The following UST variants were observed in gnomAD, a reference collection of about 807,000 sequenced individuals.
UST encodes chondroitin sulfate 2-O-sulfotransferase.
UST carries 21 observed loss-of-function variants against 45.6 expected under a neutral mutation model. That is an observed-to-expected ratio of 0.46 (90% CI 0.33 to 0.66). The LOEUF (loss-of-function observed/expected upper bound fraction) is 0.66. Among genes scored for constraint, UST ranks in the 30% least tolerant of loss-of-function variants. UST has a pLI of 0.02. For synonymous variants in UST, 215 were observed against 200.6 expected (o/e 1.07, Z -0.61); for missense variants, 463 against 512.4 (o/e 0.90, Z 0.93).
At chr6:148,945,316 T>G (rs1233076758) in intron 3 of UST, among the ~76,000 whole-genome samples, 1 of 152,238 alleles carries the variant, frequency 6.6e-6, no homozygotes, top group African/African-American at 2.4e-5. Flanking sequence ...CTCTTGGCCT[T>G]GAACCTAGGC....
At chr6:148,867,318 A>ACACACT (rs1320435677) in intron 1 of UST, among the ~76,000 whole-genome samples, 6 of 146,528 alleles carry the variant, frequency 4.1e-5, no homozygotes, top group African/African-American at 1.5e-4. Context: ...ACACACACAC[A>ACACACT]CACACACACA....
intron 7 of UST, 116 bp downstream of exon 7, chr6:149,021,597 C>A (rs1192718205): frequency 7.4e-6 from 9 of 1,218,208 alleles, no homozygotes; most frequent in East Asian, 2.4e-5. Flanking sequence ...TGACAAAGGG[C>A]AGTTAGTTCC....
intron 1 of UST, among the ~76,000 whole-genome samples, chr6:148,833,230 G>A (rs1196902037): frequency 1.3e-5 from 2 of 152,226 alleles, no homozygotes; most frequent in Non-Finnish European, 2.9e-5. Context: ...GCTCATGCCT[G>A]TAATCTCAGC....
intron 1 of UST, among the ~76,000 whole-genome samples, chr6:148,806,426 C>T (rs1777147282): frequency 6.6e-6 from 1 of 152,016 alleles, no homozygotes; most frequent in Non-Finnish European, 1.5e-5. Flanking sequence ...GCAACCTCCA[C>T]CTCCTGGGTT....
chr6:149,056,117 C>CTTTTTTTTTTTTTTTTTTTT (rs34191810), intron 7 of UST, among the ~76,000 whole-genome samples: 21 of 81,054 alleles, frequency 2.6e-4, no homozygotes, highest in Non-Finnish European at 4.2e-4. Context: ...CTTTTCTTTT[C>CTTTTTTTTTTTTTTTTTTTT]TTTTTTTTTT....
At chr6:148,909,467 T>C (rs976919694) in intron 2 of UST, among the ~76,000 whole-genome samples, 3 of 152,230 alleles carry the variant, frequency 2.0e-5, no homozygotes, top group Non-Finnish European at 1.5e-5. Flanking sequence ...CACATATATG[T>C]ATAAAATTAA....
At chr6:148,943,080 G>T (rs1344836270) in intron 3 of UST, among the ~76,000 whole-genome samples, 1 of 152,154 alleles carries the variant, frequency 6.6e-6, no homozygotes, top group Non-Finnish European at 1.5e-5. Flanking sequence ...AATGTGATTA[G>T]GCTGGTGATG....
At chr6:148,957,165 A>C (rs1057360132) in intron 4 of UST, among the ~76,000 whole-genome samples, 4 of 152,154 alleles carry the variant, frequency 2.6e-5, no homozygotes, top group African/African-American at 9.7e-5. Flanking sequence ...GCTTTCAATA[A>C]AAAGCCAGAA....
intron 1 of UST, among the ~76,000 whole-genome samples, chr6:148,827,312 A>G (rs1777589996): frequency 6.6e-6 from 1 of 152,178 alleles, no homozygotes; most frequent in African/African-American, 2.4e-5. Context: ...AGGAGTCTGT[A>G]GCCTTTCATT....
intron 1 of UST, among the ~76,000 whole-genome samples, chr6:148,772,920 A>G (rs1428452285): frequency 6.6e-6 from 1 of 152,170 alleles, no homozygotes; most frequent in Non-Finnish European, 1.5e-5. Context: ...TGATTTTACT[A>G]TTTTTCAACA....
intron 1 of UST, among the ~76,000 whole-genome samples, chr6:148,882,832 A>T (rs1004743497): frequency 6.6e-6 from 1 of 152,228 alleles, no homozygotes; most frequent in African/African-American, 2.4e-5. Context: ...CACTCAATAA[A>T]GGTTGTTATA....
At position 148,810,699 on chromosome 6, in the gene UST, A is replaced by G. The variant is rs141162179; in HGVS notation, c.247+63022A>G. Reference sequence around the variant, plus strand: ...TTTTCTCTCTACAGTCCCTAAAACTATAATACAAGGTGTCACCAGAGAGGA... The same window carrying G: ...TTTTCTCTCTACAGTCCCTAAAACTGTAATACAAGGTGTCACCAGAGAGGA... On this transcript the variant is annotated intron_variant, in intron 1 of 7. Transcript: ENST00000367463. Among the ~76,000 whole-genome samples, 374 of 152,310 alleles carry G rather than the reference A, an allele frequency of 2.5e-3. 1 individual carries two copies. The highest frequency in any genetic ancestry group is 8.8e-3 in the African/African-American group (366 of 41,568).
chr6:148,762,211 T>A (rs932653684), intron 1 of UST, among the ~76,000 whole-genome samples: 4 of 152,214 alleles, frequency 2.6e-5, no homozygotes, highest in Non-Finnish European at 5.9e-5. Flanking sequence ...ATCCATAACC[T>A]CTGGCTTTTG....
intron 2 of UST, among the ~76,000 whole-genome samples, chr6:148,903,943 T>G (rs965589836): frequency 6.6e-6 from 1 of 152,220 alleles, no homozygotes; most frequent in African/African-American, 2.4e-5. Flanking sequence ...CTATGCAGTT[T>G]TAGTCAACAA....
chr6:149,067,651 G>C (rs1262851194), intron 7 of UST, among the ~76,000 whole-genome samples: 1 of 152,114 alleles, frequency 6.6e-6, no homozygotes, highest in Non-Finnish European at 1.5e-5. Flanking sequence ...GGTTGGAAAG[G>C]CTACCTGGGA....
rs1275483239 is a variant in UST, at chr6:148,816,527, G to A, written c.247+68850G>A. 3.3e-5 allele frequency among the ~76,000 whole-genome samples: 5 copies of A among 152,292 alleles called. No individual in the cohort carries two copies. The East Asian group carries it at 9.6e-4, about 29-fold the overall frequency. ...GCCTAATGTGTAAAAGAAGTTAATA[G>A]AATTCTATACAACATAGTAAATAGC... On this transcript the variant is annotated intron_variant, in intron 1 of 7. Coordinates refer to ENST00000367463, the MANE Select transcript of UST (RefSeq NM_005715.3).
chr6:148,915,244 C>T (rs1779564340), intron 2 of UST, among the ~76,000 whole-genome samples: 1 of 152,086 alleles, frequency 6.6e-6, no homozygotes, highest in Non-Finnish European at 1.5e-5. Flanking sequence ...ATTAAAGTGG[C>T]CTATACAAGA....
At chr6:148,886,006 T>G (rs1778905998) in intron 1 of UST, among the ~76,000 whole-genome samples, 1 of 152,224 alleles carries the variant, frequency 6.6e-6, no homozygotes, top group Admixed American at 6.5e-5. Context: ...GAGTTACCCC[T>G]CTTGGATAGG....
At chr6:149,010,339 C>T (rs752570047) in intron 5 of UST, among the ~76,000 whole-genome samples, 1 of 152,194 alleles carries the variant, frequency 6.6e-6, no homozygotes, top group Non-Finnish European at 1.5e-5. Flanking sequence ...GTGGGCTCCA[C>T]ATCTCTGAAA....
Sources: allele counts gnomAD v4.1 joint callset (sites outside exome capture counted in the v4.1 genomes callset), GRCh38; gene constraint gnomAD v4.1.1; transcripts MANE v1.5; gene names NCBI Gene and HGNC (gene_info 2026-07-23, HGNC 2026-07-21).